The following SORCS3 variants were observed in gnomAD, a reference collection of about 807,000 sequenced individuals.
The protein encoded by SORCS3 is sortilin related VPS10 domain containing receptor 3.
A neutral mutation model predicts 146.3 loss-of-function variants in SORCS3; 57 were observed. That is an observed-to-expected ratio of 0.39 (90% CI 0.31 to 0.49). SORCS3 has a LOEUF of 0.49. Ranked by LOEUF, SORCS3 falls within the 20% of genes least tolerant of loss-of-function variation. The pLI, the probability that SORCS3 is intolerant of heterozygous loss-of-function variation, is 0.92. For synonymous variants in SORCS3, 653 were observed against 618.5 expected (o/e 1.06, Z -0.83); for missense variants, 1,341 against 1,575.5 (o/e 0.85, Z 2.52).
intron 2 of SORCS3, among the ~76,000 whole-genome samples, chr10:104,892,873 A>G (rs1297560178): frequency 1.3e-5 from 2 of 152,096 alleles, no homozygotes; most frequent in African/African-American, 4.8e-5. Context: ...TCTCTTGCTC[A>G]CTGTATTTCA....
At chr10:104,727,446 G>A (rs1033651507) in intron 1 of SORCS3, among the ~76,000 whole-genome samples, 4 of 151,434 alleles carry the variant, frequency 2.6e-5, no homozygotes, top group Non-Finnish European at 5.9e-5. Flanking sequence ...CCTTCTGTTT[G>A]TCCAGTCATC....
At chr10:104,863,347 A>G (rs2018425772) in intron 2 of SORCS3, among the ~76,000 whole-genome samples, 1 of 152,120 alleles carries the variant, frequency 6.6e-6, no homozygotes, top group Non-Finnish European at 1.5e-5. Flanking sequence ...CCCTGCCTTT[A>G]CTGATGCCAT....
chr10:104,671,511 T>A (rs555301175), intron 1 of SORCS3, among the ~76,000 whole-genome samples: 5 of 49,422 alleles, frequency 1.0e-4, no homozygotes, highest in East Asian at 1.4e-3. Flanking sequence ...ACTTAAATAT[T>A]TTTTTTTTTC....
chr10:105,190,329 T>C (rs1432753673), intron 14 of SORCS3, among the ~76,000 whole-genome samples: 3 of 152,226 alleles, frequency 2.0e-5, no homozygotes, highest in Non-Finnish European at 2.9e-5. Context: ...GAGTAACGAA[T>C]AAAATGAGAT....
intron 1 of SORCS3, among the ~76,000 whole-genome samples, chr10:104,701,459 A>C (rs7100121): frequency 2.6e-5 from 4 of 152,306 alleles, no homozygotes. Context: ...ATTTCCTTTC[A>C]AAAGGGTAGC....
At chr10:104,944,115 G>A (rs1226561439) in intron 3 of SORCS3, among the ~76,000 whole-genome samples, 1 of 152,144 alleles carries the variant, frequency 6.6e-6, no homozygotes, top group Non-Finnish European at 1.5e-5. Context: ...GAAATGCAGT[G>A]ATGAAAATGT....
At chr10:105,079,423 GT>G (rs1349071745) in intron 5 of SORCS3, among the ~76,000 whole-genome samples, 1 of 152,182 alleles carries the variant, frequency 6.6e-6, no homozygotes, top group African/African-American at 2.4e-5. Flanking sequence ...AATATTTCAG[GT>G]GGAAAGGCAG....
chr10:105,013,437 A>G (rs73335978), intron 4 of SORCS3, among the ~76,000 whole-genome samples: 6,975 of 152,158 alleles, frequency 0.046, 185 homozygotes, highest in Middle Eastern at 0.075. Context: ...TATACATAAT[A>G]TGATTCTCTA....
At chr10:105,000,028 G>C (rs1265670133) in intron 4 of SORCS3, among the ~76,000 whole-genome samples, 1 of 151,730 alleles carries the variant, frequency 6.6e-6, no homozygotes, top group African/African-American at 2.4e-5. Context: ...TCTTCCTAAA[G>C]CTCAGCTCTG....
At chr10:105,080,352 A>G (rs1382455427) in intron 5 of SORCS3, among the ~76,000 whole-genome samples, 1 of 152,080 alleles carries the variant, frequency 6.6e-6, no homozygotes, top group Non-Finnish European at 1.5e-5. Context: ...CCACATATAT[A>G]TCTTCTTTTG....
chr10:105,053,356 G>C (rs1454919807), intron 5 of SORCS3, among the ~76,000 whole-genome samples: 3 of 151,934 alleles, frequency 2.0e-5, no homozygotes, highest in Non-Finnish European at 4.4e-5. Flanking sequence ...GAGCAGAAGT[G>C]GCTAAGGCTT....
intron 1 of SORCS3, among the ~76,000 whole-genome samples, chr10:104,716,385 C>T (rs1392731154): frequency 1.3e-5 from 2 of 152,040 alleles, no homozygotes; most frequent in Non-Finnish European, 2.9e-5. Flanking sequence ...TGATGGGGTG[C>T]ATAATGAAAA....
At chr10:105,121,466 T>A (rs2055932446) in intron 7 of SORCS3, among the ~76,000 whole-genome samples, 1 of 152,200 alleles carries the variant, frequency 6.6e-6, no homozygotes, top group African/African-American at 2.4e-5. Context: ...TCTGGGTTTA[T>A]AAAGGATGAC....
At chr10:104,913,766 C>A (rs1474643015) in intron 2 of SORCS3, among the ~76,000 whole-genome samples, 1 of 106,456 alleles carries the variant, frequency 9.4e-6, no homozygotes, top group East Asian at 2.6e-4. Flanking sequence ...TATCCCCATT[C>A]TTTTTTTTTT....
rs1491037329 is a variant in SORCS3 at position 104,727,564 on chromosome 10, T to TAA, written c.627+85611_627+85612dup. Among the ~76,000 whole-genome samples, 8 of 148,856 alleles carry TAA rather than the reference T, an allele frequency of 5.4e-5. No individual in the cohort carries two copies. In the South Asian group the frequency reaches 6.4e-4, roughly 12 times the overall value. ...GTGTGTGTATATATATATATATATA[T>TAA]AAGATGCATACACGCTTACCTATAT... On this transcript the variant is annotated intron_variant, in intron 1 of 26. Transcript: ENST00000369701.
intron 5 of SORCS3, among the ~76,000 whole-genome samples, chr10:105,056,453 C>G (rs1020830159): frequency 6.6e-6 from 1 of 152,146 alleles, no homozygotes; most frequent in Non-Finnish European, 1.5e-5. Context: ...GGGATATAGA[C>G]CAGATTCAGA....
chr10:105,017,325 T>C (rs1256745685), intron 4 of SORCS3, among the ~76,000 whole-genome samples: 1 of 152,116 alleles, frequency 6.6e-6, no homozygotes, highest in African/African-American at 2.4e-5. Flanking sequence ...GACTCCAAGA[T>C]GCAGTGAAAG....
rs541473808 is a variant in SORCS3 at position 105,174,896 on chromosome 10, G to A, written c.1902-3170G>A. ...ACTGGAAGGCTGCGATGGTCTCTCC[G>A]TGTCGGCTCTCTGTGTGTCTTCTCT... is the stretch of plus-strand genomic sequence containing the variant. On this transcript the variant is annotated intron_variant, in intron 13 of 26. Transcript: ENST00000369701. 5.9e-5 allele frequency among the ~76,000 whole-genome samples: 9 copies of A among 152,210 alleles called. No homozygotes were observed. In the East Asian group the frequency reaches 9.7e-4, roughly 16 times the overall value.
intron 5 of SORCS3, among the ~76,000 whole-genome samples, chr10:105,049,252 C>G (rs950335379): frequency 6.6e-6 from 1 of 152,040 alleles, no homozygotes; most frequent in African/African-American, 2.4e-5. Flanking sequence ...ACGAGTCTTC[C>G]TAAAACTCCT....
Sources: gnomAD v4.1 joint callset for allele counts (sites outside exome capture counted in the v4.1 genomes callset) on GRCh38, gnomAD v4.1.1 for gene constraint, MANE v1.5 for transcripts, NCBI Gene and HGNC (gene_info 2026-07-23, HGNC 2026-07-21) for gene names.